Variants in GJA3 observed in about 807,000 individuals in gnomAD.
GJA3 encodes the protein gap junction protein alpha 3.
For missense variants in GJA3, 571 were observed against 620.3 expected (o/e 0.92, Z 0.84); for synonymous variants, 297 against 292.6 (o/e 1.02, Z -0.15).
chr13:20,159,500 G>T (rs563076701), intron 1 of GJA3, among the ~76,000 whole-genome samples: 2 of 135,564 alleles, frequency 1.5e-5, no homozygotes, highest in African/African-American at 5.5e-5. Context: ...TGCGATAAAC[G>T]TAATTTTTCG....
chr13:20,142,279 G>C lies in GJA3; in HGVS notation c.1010C>G (p.Pro337Arg), dbSNP rs1160218071. 13 of 1,567,190 alleles carry C rather than the reference G, an allele frequency of 8.3e-6. No individual in the cohort carries two copies. The highest frequency in any genetic ancestry group is 8.6e-6 in the Non-Finnish European group (10 of 1,159,298). The change falls in exon 2 of 2, where the codon CCC becomes CGC. Residue 337 changes from proline (P) to arginine (R), a missense_variant. Physicochemically the swap from Pro to Arg is moderately radical, Grantham distance 103. Transcript: ENST00000241125. ...TGCCGGGTAAGCCTTGAGCGCCGGG[G>C]GCTGCCGCTCGGCCGCCTGGTTGGC... ...NWANQAAERQ[P>R]PALKAYPAAS...
Position 20,142,937 on chromosome 13 carries a change from C to T in GJA3, c.352G>A (p.Glu118Lys), listed in dbSNP as rs1277037522. 5 of 1,575,958 alleles carry T rather than the reference C, an allele frequency of 3.2e-6. No individual in the cohort carries two copies. In the Admixed American group the frequency reaches 7.5e-5, roughly 24 times the overall value. The change falls in exon 2 of 2, where the codon GAG (glutamate) becomes AAG (lysine). Residue 118 changes from glutamate (E) to lysine (K), a missense_variant. Glu to Lys is a moderately conservative substitution (Grantham distance 56). Coordinates refer to ENST00000241125, the MANE Select transcript of GJA3 (RefSeq NM_021954.4). ...GGTGGCTCCTTGGGGCTGGGGCTCT[C>T]TCTCTTCAGCTGCTCCTCCTCCTCC... ...EREEEEQLKR[E>K]SPSPKEPPQD...
chr13:20,153,454 TA>T (rs1423352800), intron 1 of GJA3, among the ~76,000 whole-genome samples: 4 of 152,150 alleles, frequency 2.6e-5, no homozygotes, highest in Non-Finnish European at 5.9e-5. Context: ...TATGCAGCCA[TA>T]AAAAAGGATG....
Position 20,143,283 on chromosome 13 carries a change from G to A in GJA3, c.6C>T (p.Gly2=), listed in dbSNP as rs144188911. M[G]DWSFLGRLLE... ...AGAGTCTTCCCAGAAAGCTCCAGTC[G>A]CCCATTGCTTCAGATTCCTAACCTG... Residue 2 remains glycine, a synonymous_variant, in exon 2 of 2, where the codon GGC becomes GGT. Transcript: ENST00000241125. The A allele has an allele frequency of 2.4e-5, 36 of 1,516,942 alleles. No homozygotes were observed. In the East Asian group the frequency reaches 3.4e-4, roughly 14 times the overall value. 94.0% of individuals were successfully genotyped at this position (1,516,942 alleles called of 1,614,324 possible).
chr13:20,158,912 CA>C (rs1159654355), intron 1 of GJA3, among the ~76,000 whole-genome samples: 13,976 of 56,164 alleles, frequency 0.25, 316 homozygotes, highest in Non-Finnish European at 0.27. Context: ...GCAAAACTCT[CA>C]AAAAAAAAAA....
rs1039716069 is a variant in GJA3 at position 20,143,315 on chromosome 13, G to T, written c.-17-10C>A. 2 of 1,503,290 alleles carry T rather than the reference G, an allele frequency of 1.3e-6. No homozygotes were observed. The highest frequency in any genetic ancestry group is 4.5e-5 in the Admixed American group (2 of 44,242). The allele number at this position is 1,503,290 out of a possible 1,614,324, so 93.1% of individuals were successfully genotyped here. The stretch of plus-strand genomic sequence containing the variant: ...GCTTCAGATTCCTAACCTGTAAGAG[G>T]AAAATGCTCATGAACACCGGGCTGC... On this transcript the variant is annotated splice_polypyrimidine_tract_variant and intron_variant, in intron 1 of 1. Transcript: ENST00000241125.
At position 20,139,309 on chromosome 13, in the gene GJA3, T is replaced by C. The variant is rs548201702; in HGVS notation, c.*2672A>G. 11 of 152,076 alleles carry C rather than the reference T, an allele frequency of 7.2e-5. No individual in the cohort carries two copies. Among genetic ancestry groups the C allele is most frequent in the Non-Finnish European group, 1.2e-4 (8 of 67,996 alleles). The allele number at this position is 152,076 out of a possible 1,614,324, so 9.4% of individuals were successfully genotyped here. Reference sequence around the variant, plus strand: ...TAGGTATAGCATTTGAGTTTTAAAATAGGCTTAGAGATTTTTTAAAACTTT... The same window carrying C: ...TAGGTATAGCATTTGAGTTTTAAAACAGGCTTAGAGATTTTTTAAAACTTT... On this transcript the variant is annotated 3_prime_UTR_variant, in exon 2 of 2. Transcript: ENST00000241125.
chr13:20,154,596 C>T (rs560108598), intron 1 of GJA3, among the ~76,000 whole-genome samples: 12 of 152,210 alleles, frequency 7.9e-5, no homozygotes, highest in South Asian at 2.1e-4. Flanking sequence ...TAGCATAATA[C>T]GGTGTGGTAA....
Position 20,142,797 on chromosome 13 carries a change from G to C in GJA3, c.492C>G (p.Ile164Met). 1 of 1,613,646 alleles carries C rather than the reference G, an allele frequency of 6.2e-7. No individual in the cohort carries two copies. Among genetic ancestry groups the C allele is most frequent in the East Asian group, 2.2e-5 (1 of 44,886 alleles). The change falls in exon 2 of 2, where the codon ATC becomes ATG. Residue 164 changes from isoleucine to methionine, a missense_variant. Coordinates refer to ENST00000241125, the MANE Select transcript of GJA3 (RefSeq NM_021954.4). The stretch of plus-strand genomic sequence containing the variant: ...AGCCGTACAGAAAGTACTGGCCGGC[G>C]ATGAAGCCCACCTCGAACAGCGTCT... ...IFKTLFEVGF[I>M]AGQYFLYGFE... is the part of the protein sequence containing the mutation.
rs1958812902 is a variant in GJA3, at chr13:20,142,267, T to C, written c.1022A>G (p.Lys341Arg). Residue 341 changes from lysine (K) to arginine (R), a missense_variant, in exon 2 of 2, where the codon AAG (lysine) becomes AGG (arginine). By Grantham distance (26) the Lys-to-Arg change is conservative (BLOSUM62 2). Transcript: ENST00000241125. Reference sequence around the variant, plus strand: ...AGGCGTGGACGCTGCCGGGTAAGCCTTGAGCGCCGGGGGCTGCCGCTCGGC... The same window carrying C: ...AGGCGTGGACGCTGCCGGGTAAGCCCTGAGCGCCGGGGGCTGCCGCTCGGC... ...QAAERQPPALKAYPAASTPAA... is the reference protein window; with the variant it reads ...QAAERQPPALRAYPAASTPAA... 1.9e-6 allele frequency: 3 copies of C among 1,559,688 alleles called. No individual in the cohort carries two copies. In the African/African-American group the frequency reaches 4.2e-5, roughly 22 times the overall value.
At chr13:20,143,336 G>C in intron 1 of GJA3, 31 bp from the exon 2 acceptor site, 1 of 1,445,058 alleles carries the variant, frequency 6.9e-7, no homozygotes, top group Non-Finnish European at 9.2e-7. Context: ...TGAACACCGG[G>C]CTGCAACGGC....
chr13:20,153,396 A>G (rs1024879112), intron 1 of GJA3, among the ~76,000 whole-genome samples: 19 of 152,204 alleles, frequency 1.2e-4, no homozygotes, highest in African/African-American at 4.6e-4. Flanking sequence ...ATGTCCATCA[A>G]TGATAGACTG....
chr13:20,144,218 C>A (rs1958829509), intron 1 of GJA3, among the ~76,000 whole-genome samples: 1 of 152,204 alleles, frequency 6.6e-6, no homozygotes, highest in African/African-American at 2.4e-5. Flanking sequence ...AATGCCCACA[C>A]TGGATTCTAG....
At chr13:20,159,954 G>T (rs1297351342) in intron 1 of GJA3, among the ~76,000 whole-genome samples, 2 of 152,162 alleles carry the variant, frequency 1.3e-5, no homozygotes, top group African/African-American at 4.8e-5. Context: ...AATCACCATG[G>T]TTTTTAATTC....
chr13:20,151,695 G>A (rs1317177611), intron 1 of GJA3, among the ~76,000 whole-genome samples: 1 of 152,118 alleles, frequency 6.6e-6, no homozygotes, highest in African/African-American at 2.4e-5. Flanking sequence ...CGGCGAGGAT[G>A]GATTACTTGA....
At chr13:20,149,263 C>T (rs1958862384) in intron 1 of GJA3, among the ~76,000 whole-genome samples, 2 of 152,094 alleles carry the variant, frequency 1.3e-5, no homozygotes, top group Non-Finnish European at 2.9e-5. Context: ...GGAGGCCAAG[C>T]AGGAGGATCT....
intron 1 of GJA3, among the ~76,000 whole-genome samples, chr13:20,149,485 T>C (rs764269880): frequency 6.6e-6 from 1 of 151,920 alleles, no homozygotes; most frequent in Non-Finnish European, 1.5e-5. Flanking sequence ...ACCCTGTCTC[T>C]TAAAAAAAAG....
At chr13:20,157,474 T>C (rs1354655298) in intron 1 of GJA3, among the ~76,000 whole-genome samples, 1 of 151,704 alleles carries the variant, frequency 6.6e-6, no homozygotes, top group Non-Finnish European at 1.5e-5. Context: ...AGTGGTCTAG[T>C]TTATGCTCCT....
chr13:20,148,570 T>C (rs1958857797), intron 1 of GJA3, among the ~76,000 whole-genome samples: 1 of 152,172 alleles, frequency 6.6e-6, no homozygotes. Flanking sequence ...GATATCACTT[T>C]GTAATCATAT....
Sources: gnomAD v4.1 joint callset for allele counts (sites outside exome capture counted in the v4.1 genomes callset) on GRCh38, gnomAD v4.1.1 for gene constraint, MANE v1.5 for transcripts, NCBI Gene and HGNC (gene_info 2026-07-23, HGNC 2026-07-21) for gene names.